The following MADCAM1 variants were observed in gnomAD, a reference collection of about 807,000 sequenced individuals.
MADCAM1 encodes mucosal addressin cell adhesion molecule 1.
In MADCAM1, 19 loss-of-function variants were observed where a neutral mutation model predicts 26.1. The observed-to-expected ratio is 0.73, with a 90% CI of 0.51 to 1.07. The LOEUF is 1.07. Ranked by LOEUF, MADCAM1 falls within the 50% of genes least tolerant of loss-of-function variation. The pLI is 0.00. For missense variants in MADCAM1, 514 were observed against 542.1 expected (o/e 0.95, Z 0.51); for synonymous variants, 268 against 260.9 (o/e 1.03, Z -0.26).
At chr19:502,075 G>C in intron 4 of MADCAM1, 146 bp downstream of exon 4, 2 of 939,088 alleles carry the variant, frequency 2.1e-6, no homozygotes, top group Non-Finnish European at 3.0e-6. Context: ...GCCCAGCCTC[G>C]GTTTCCCCAT....
rs916111539 is a variant in MADCAM1, at chr19:505,242, G to C, written c.*277G>C. On this transcript the variant is annotated 3_prime_UTR_variant, in exon 5 of 5. Transcript: ENST00000215637. ...TTACATACATTGATTCATGTCTCAC[G>C]TCTCCCTAAAAATGCGTAAGACCAA... 2.6e-6 allele frequency: 1 copy of C among 378,446 alleles called. No homozygotes were observed. The highest frequency in any genetic ancestry group is 4.7e-6 in the Non-Finnish European group (1 of 210,676). 23.4% of individuals were successfully genotyped at this position (378,446 alleles called of 1,614,324 possible).
Position 501,886 on chromosome 19 carries a change from C to G in MADCAM1, c.885C>G (p.Ile295Met). 1 of 1,558,262 alleles carries G rather than the reference C, an allele frequency of 6.4e-7. No homozygotes were observed. Residue 295 changes from isoleucine to methionine, a missense_variant, in exon 4 of 5, where the codon ATC becomes ATG. Around this residue, in one of 3 missense-constraint regions of MADCAM1, gnomAD observed 152 missense variants for 136.7 expected, o/e 1.11. Transcript: ENST00000215637. ...PGSTRTRRPE[I>M]SQAGPTQGEV... ...CCACCAGGACTCGCCGCCCTGAGAT[C>G]TCCCAGGCTGGGCCCACGCAGGGAG...
chr19:498,723 T>C lies in MADCAM1; in HGVS notation c.565T>C (p.Trp189Arg). Reference protein sequence around the residue: ...EDVLFRVTERWRLPPLGTPVP... With the variant: ...EDVLFRVTERRRLPPLGTPVP... ...CGTGCTGTTCAGGGTGACAGAGCGC[T>C]GGCGGCTGCCGCCCCTGGGGACCCC... Residue 189 changes from tryptophan to arginine, a missense_variant, in exon 3 of 5, where the codon TGG becomes CGG. By Grantham distance (101) the Trp-to-Arg change is moderately radical. Transcript: ENST00000215637. 1 of 1,458,188 alleles carries C rather than the reference T, an allele frequency of 6.9e-7. No homozygotes were observed. Among genetic ancestry groups the C allele is most frequent in the Non-Finnish European group, 9.0e-7 (1 of 1,110,350 alleles). The allele number at this position is 1,458,188 out of a possible 1,614,324, so 90.3% of individuals were successfully genotyped here.
At chr19:503,751 C>CA (rs200824837) in intron 4 of MADCAM1, among the ~76,000 whole-genome samples, 12 of 141,236 alleles carry the variant, frequency 8.5e-5, no homozygotes, top group African/African-American at 1.3e-4. Context: ...GACTCAGTCT[C>CA]AAAAAAAAAA....
intron 2 of MADCAM1, 64 bp from the exon 3 acceptor site, chr19:498,432 G>A (rs1383730186): frequency 2.1e-6 from 3 of 1,399,882 alleles, no homozygotes; most frequent in Non-Finnish European, 2.8e-6. Flanking sequence ...TCCGGGCTCC[G>A]GCCCCTCCAT....
chr19:501,785 C>A lies in MADCAM1; in HGVS notation c.784C>A (p.Pro262Thr), dbSNP rs1381933741. The change falls in exon 4 of 5, where the codon CCG becomes ACG. Residue 262 changes from proline to threonine, a missense_variant. Pro to Thr is a conservative substitution (Grantham distance 38). Coordinates refer to ENST00000215637, the MANE Select transcript of MADCAM1 (RefSeq NM_130760.3). ...TSQEPPDTTSPEPPDKTSPEP... is the reference protein window; with the variant it reads ...TSQEPPDTTSTEPPDKTSPEP... ...CCAGGAGCCTCCCGACACCACCTCC[C>A]CGGAGCCTCCCGACAAGACCTCCCC... The A allele has an allele frequency of 6.5e-7, 1 of 1,547,466 alleles. No homozygotes were observed. Among genetic ancestry groups the A allele is most frequent in the Non-Finnish European group, 8.8e-7 (1 of 1,137,836 alleles).
chr19:503,392 T>G (rs543303203), intron 4 of MADCAM1, among the ~76,000 whole-genome samples: 5 of 150,334 alleles, frequency 3.3e-5, no homozygotes, highest in Admixed American at 6.6e-5. Flanking sequence ...CCATCCTGGC[T>G]AACACGGTGA....
In MADCAM1 at chr19:500,168, C is replaced by T. The variant is rs777157701; in HGVS notation, c.667+1343C>T. 9.2e-5 allele frequency: 42 copies of T among 456,328 alleles called. No individual in the cohort carries two copies. In the East Asian group the frequency reaches 1.7e-3, roughly 19 times the overall value. 28.3% of individuals were successfully genotyped at this position (456,328 alleles called of 1,614,324 possible). A position where few individuals can be genotyped will look rare whatever the true frequency, so the allele number is the denominator to read the frequency against. ...ACGCCAGCCTCCTCCCAACTCTCCT[C>T]GTCCACAGCCCATCATAATAAACGC... On this transcript the variant is annotated intron_variant, in intron 3 of 4. Coordinates refer to ENST00000215637, the MANE Select transcript of MADCAM1 (RefSeq NM_130760.3).
chr19:499,313 G>A (rs1162250786), intron 3 of MADCAM1: 1 of 458,082 alleles, frequency 2.2e-6, no homozygotes, highest in East Asian at 6.9e-5. Flanking sequence ...TCAGGTCTCT[G>A]TAGAATGTTG....
chr19:496,565 G>C lies in MADCAM1; in HGVS notation c.52+14G>C, dbSNP rs770189678. 7.7e-7 allele frequency: 1 copy of C among 1,298,168 alleles called. No homozygotes were observed. The highest frequency in any genetic ancestry group is 2.8e-5 in the East Asian group (1 of 35,186). 80.4% of individuals were successfully genotyped at this position (1,298,168 alleles called of 1,614,324 possible). A position where few individuals can be genotyped will look rare whatever the true frequency, so the allele number is the denominator to read the frequency against. Reference sequence around the variant, plus strand: ...GGCTCCTCCTCGGTGAGAAGGGGAGGGGGCGCGGGAGAGAGGAGTGAGTTA... The same window carrying C: ...GGCTCCTCCTCGGTGAGAAGGGGAGCGGGCGCGGGAGAGAGGAGTGAGTTA... On this transcript the variant is annotated intron_variant, in intron 1 of 4. Transcript: ENST00000215637.
Position 504,945 on chromosome 19 carries a change from G to T in MADCAM1, c.1129G>T (p.Val377Phe). The T allele has an allele frequency of 1.3e-6, 2 of 1,599,658 alleles. No individual in the cohort carries two copies. Among genetic ancestry groups the T allele is most frequent in the South Asian group, 1.1e-5 (1 of 90,736 alleles). The change falls in exon 5 of 5, where the codon GTC becomes TTC. Residue 377 changes from valine (V) to phenylalanine (F), a missense_variant. By Grantham distance (50) the Val-to-Phe change is conservative (BLOSUM62 -1). Around this residue, in one of 3 missense-constraint regions of MADCAM1, gnomAD observed 152 missense variants for 136.7 expected, o/e 1.11. Coordinates refer to ENST00000215637, the MANE Select transcript of MADCAM1 (RefSeq NM_130760.3). Reference sequence around the variant, plus strand: ...GGCTGGGTTAAGGGGGACCGGCCAGGTCGGGATCAGCCCCTCCTGAGTGGC... The same window carrying T: ...GGCTGGGTTAAGGGGGACCGGCCAGTTCGGGATCAGCCCCTCCTGAGTGGC... ...AWAGLRGTGQ[V>F]GISPS
intron 3 of MADCAM1, among the ~76,000 whole-genome samples, chr19:500,838 C>T (rs1978318626): frequency 6.6e-6 from 1 of 151,726 alleles, no homozygotes; most frequent in Non-Finnish European, 1.5e-5. Context: ...CCATTGCACT[C>T]CAGCCTGGGC....
rs1279716315 is a variant in MADCAM1, at chr19:498,759, G to A, written c.601G>A (p.Ala201Thr). ...LPPLGTPVPPALYCQATMRLP... is the reference protein window; with the variant it reads ...LPPLGTPVPPTLYCQATMRLP... ...GCCCCTGGGGACCCCTGTCCCGCCC[G>A]CCCTCTACTGCCAGGCCACGATGAG... is the stretch of plus-strand genomic sequence containing the variant. Residue 201 changes from alanine to threonine, a missense_variant, in exon 3 of 5, where the codon GCC becomes ACC. By Grantham distance (58) the Ala-to-Thr change is moderately conservative (BLOSUM62 0). This residue lies in a region of MADCAM1 where 317 missense variants were observed against 313.6 expected (regional missense o/e 1.01). Coordinates refer to ENST00000215637, the MANE Select transcript of MADCAM1 (RefSeq NM_130760.3). The A allele has an allele frequency of 6.0e-6, 5 of 828,738 alleles. No individual in the cohort carries two copies. Among genetic ancestry groups the A allele is most frequent in the African/African-American group, 1.8e-5 (1 of 54,752 alleles). The allele number at this position is 828,738 out of a possible 1,614,324, so 51.3% of individuals were successfully genotyped here.
rs186049639 is a variant in MADCAM1, at chr19:503,918, T to C, written c.929-827T>C. Reference sequence around the variant, plus strand: ...CAAAAATTAGCCAGGTGTGGTGGCATGTGCCTGTAATCCCAGCTGAGGATT... The same window carrying C: ...CAAAAATTAGCCAGGTGTGGTGGCACGTGCCTGTAATCCCAGCTGAGGATT... On this transcript the variant is annotated intron_variant, in intron 4 of 4. Coordinates refer to ENST00000215637, the MANE Select transcript of MADCAM1 (RefSeq NM_130760.3). Among the ~76,000 whole-genome samples, 607 of 151,760 alleles carry C rather than the reference T, an allele frequency of 4.0e-3. 1 individual carries two copies. The highest frequency in any genetic ancestry group is 0.014 in the African/African-American group (578 of 41,398).
chr19:499,895 C>A (rs1424242946), intron 3 of MADCAM1: 2 of 455,372 alleles, frequency 4.4e-6, no homozygotes, highest in Admixed American at 4.7e-5. Context: ...CCATGGGGCA[C>A]CCTGATACCC....
intron 4 of MADCAM1, among the ~76,000 whole-genome samples, 169 bp downstream of exon 4, chr19:502,098 G>T (rs912460195): frequency 6.6e-6 from 1 of 150,868 alleles, no homozygotes; most frequent in Admixed American, 6.6e-5. Flanking sequence ...GCCCAGCCTC[G>T]GTTTCCCCGT....
chr19:505,330 C>T lies in MADCAM1; in HGVS notation c.*365C>T. 4.7e-6 allele frequency: 1 copy of T among 210,628 alleles called. No individual in the cohort carries two copies. Among genetic ancestry groups the T allele is most frequent in the Middle Eastern group, 1.6e-3 (1 of 616 alleles). The allele number at this position is 210,628 out of a possible 1,614,324, so 13.0% of individuals were successfully genotyped here. A position where few individuals can be genotyped will look rare whatever the true frequency, so the allele number is the denominator to read the frequency against. On this transcript the variant is annotated 3_prime_UTR_variant, in exon 5 of 5. Transcript: ENST00000215637. ...CCTCCTGAGGCTTTGGCAAATAAAC[C>T]TCCTAAAATGATACAAACGTGTCAG...
intron 3 of MADCAM1, chr19:499,334 G>C (rs1197126906): frequency 2.2e-6 from 1 of 457,150 alleles, no homozygotes; most frequent in Non-Finnish European, 4.4e-6. Context: ...CCTCCTCCGT[G>C]AGGCTTCCCT....
At position 498,545 on chromosome 19, in the gene MADCAM1, C is replaced by T; in HGVS notation, c.387C>T (p.Asp129=). ...CCCCAGCAGCCCTGGTGCCTGGTGA[C>T]CCGGAGGTGGCCTGTACGGCCCACA... The part of the protein sequence containing the change: ...TVSPAALVPG[D]PEVACTAHKV... The change falls in exon 3 of 5, where the codon GAC becomes GAT. Residue 129 remains aspartate (D), a synonymous_variant. Transcript: ENST00000215637. 6.8e-7 allele frequency: 1 copy of T among 1,471,872 alleles called. No homozygotes were observed. Among genetic ancestry groups the T allele is most frequent in the Non-Finnish European group, 9.0e-7 (1 of 1,116,784 alleles). 91.2% of individuals were successfully genotyped at this position (1,471,872 alleles called of 1,614,324 possible).
Sources: allele counts gnomAD v4.1 joint callset (sites outside exome capture counted in the v4.1 genomes callset), GRCh38; gene constraint gnomAD v4.1.1; regional missense constraint gnomAD v4.1.1; transcripts MANE v1.5; gene names NCBI Gene and HGNC (gene_info 2026-07-23, HGNC 2026-07-21).